Variants in CFAP91 observed in about 807,000 individuals in gnomAD.
The protein encoded by CFAP91 is cilia- and flagella-associated protein 91.
A neutral mutation model predicts 95.9 loss-of-function variants in CFAP91; 85 were observed. The observed-to-expected ratio is 0.89, with a 90% CI of 0.74 to 1.06. The LOEUF is 1.06. Among genes scored for constraint, CFAP91 ranks in the 50% least tolerant of loss-of-function variants. The probability of loss-of-function intolerance (pLI) is 0.00; values close to 1 mark genes in which losing one functional copy is unlikely to be tolerated. For synonymous variants in CFAP91, 335 were observed against 327.5 expected (o/e 1.02, Z -0.25); for missense variants, 962 against 943.4 (o/e 1.02, Z -0.26).
intron 8 of CFAP91, among the ~76,000 whole-genome samples, chr3:119,731,402 T>A (rs948659174): frequency 7.9e-5 from 12 of 152,200 alleles, no homozygotes; most frequent in Non-Finnish European, 1.6e-4. Flanking sequence ...AACTTAAATT[T>A]AAAATTTTTC....
chr3:119,723,869 T>A (rs2053730345), intron 6 of CFAP91, among the ~76,000 whole-genome samples: 2 of 152,150 alleles, frequency 1.3e-5, no homozygotes, highest in South Asian at 4.1e-4. Flanking sequence ...ATAATAAAAG[T>A]GCTTAAATAG....
intron 16 of CFAP91, among the ~76,000 whole-genome samples, chr3:119,749,599 C>T (rs925026895): frequency 6.6e-6 from 1 of 152,102 alleles, no homozygotes; most frequent in Non-Finnish European, 1.5e-5. Flanking sequence ...TGGAGGAAGA[C>T]TTGAGCTAAC....
Position 119,740,641 on chromosome 3 carries a change from C to T in CFAP91, c.1626C>T (p.Ala542=), listed in dbSNP as rs141278377. The T allele has an allele frequency of 2.2e-5, 35 of 1,614,150 alleles. No individual in the cohort carries two copies. Among genetic ancestry groups the T allele is most frequent in the African/African-American group, 1.3e-4 (10 of 75,052 alleles). The change falls in exon 13 of 18, where the codon GCC becomes GCT. Residue 542 remains alanine (A), a synonymous_variant. Coordinates refer to ENST00000273390, the MANE Select transcript of CFAP91 (RefSeq NM_033364.4). ...LQEDEKLVKK[A]EKQVTLALQR... ...AAGATGAAAAGCTGGTGAAAAAAGC[C>T]GAGAAGCAAGTGACCCTGGCCTTAC...
chr3:119,723,732 T>G (rs1010435597), intron 6 of CFAP91, among the ~76,000 whole-genome samples: 2 of 152,332 alleles, frequency 1.3e-5, no homozygotes, highest in East Asian at 1.9e-4. Flanking sequence ...AAATACGAGG[T>G]TCAGACTGCC....
rs556802557 is a variant in CFAP91 at position 119,744,114 on chromosome 3, G to A, written c.1820G>A (p.Arg607Gln). ...HAFVMLAERQ[R>Q]RVREAEESGR... ...TTTGTCATGCTGGCTGAGCGCCAGC[G>A]GCGGGTACGAGAGGCTGAAGAGAGT... The change falls in exon 14 of 18, where the codon CGG becomes CAG. Residue 607 changes from arginine to glutamine, a missense_variant. Transcript: ENST00000273390. The A allele has an allele frequency of 4.3e-6, 7 of 1,614,022 alleles. No individual in the cohort carries two copies. The Admixed American group carries it at 6.7e-5, about 15-fold the overall frequency.
At chr3:119,723,571 G>A (rs1490785308) in intron 6 of CFAP91, among the ~76,000 whole-genome samples, 1 of 152,106 alleles carries the variant, frequency 6.6e-6, no homozygotes, top group Admixed American at 6.6e-5. Context: ...ACAAAGATGA[G>A]TAAAAAAAGC....
At chr3:119,722,660 A>C (rs1223808925) in intron 6 of CFAP91, among the ~76,000 whole-genome samples, 1 of 151,894 alleles carries the variant, frequency 6.6e-6, no homozygotes, top group Non-Finnish European at 1.5e-5. Flanking sequence ...TGCTAATTAA[A>C]AAAATATATT....
chr3:119,725,765 G>GA lies in CFAP91; in HGVS notation c.683-395dup, dbSNP rs10710048. 1.1e-3 allele frequency among the ~76,000 whole-genome samples: 161 copies of GA among 140,200 alleles called. 3 individuals carry two copies. Among genetic ancestry groups the GA allele is most frequent in the African/African-American group, 2.3e-3 (91 of 38,850 alleles). 92.0% of individuals were successfully genotyped at this position (140,200 alleles called of 152,430 possible). On this transcript the variant is annotated intron_variant, in intron 6 of 17. Transcript: ENST00000273390. Reference sequence around the variant, plus strand: ...GAGTGAGACCTTGATTCACAAAAAAGAAAAAAAAAAAGTATATATTTTTCA... The same window carrying GA: ...GAGTGAGACCTTGATTCACAAAAAAGAAAAAAAAAAAAGTATATATTTTTCA...
chr3:119,706,532 A>G, intron 1 of CFAP91: 1 of 384,620 alleles, frequency 2.6e-6, no homozygotes, highest in Non-Finnish European at 4.8e-6. Context: ...TTCAGGGTGT[A>G]GTACTTGAAA....
In CFAP91 at chr3:119,732,463, C is replaced by T. The variant is rs770759408; in HGVS notation, c.1188C>T (p.Leu396=). The change falls in exon 9 of 18, where the codon CTC becomes CTT. Residue 396 remains leucine, a synonymous_variant. Coordinates refer to ENST00000273390, the MANE Select transcript of CFAP91 (RefSeq NM_033364.4). The part of the protein sequence containing the change: ...SEDFVVKNYY[L]NTYEGLVELE... ...ACTTTGTAGTAAAAAACTACTATCT[C>T]AACACCTATGAAGGTAAGCAATTTA... 5.0e-6 allele frequency: 8 copies of T among 1,600,518 alleles called. No homozygotes were observed. Among genetic ancestry groups the T allele is most frequent in the Middle Eastern group, 1.7e-4 (1 of 6,054 alleles).
At chr3:119,704,201 G>A (rs1342306188) in intron 1 of CFAP91, among the ~76,000 whole-genome samples, 1 of 152,138 alleles carries the variant, frequency 6.6e-6, no homozygotes, top group Non-Finnish European at 1.5e-5. Flanking sequence ...GGTAATTTGA[G>A]AAGGAGGACA....
intron 5 of CFAP91, chr3:119,710,168 G>T: frequency 3.2e-6 from 1 of 315,022 alleles, no homozygotes; most frequent in Non-Finnish European, 5.8e-6. Flanking sequence ...ATATGTATAT[G>T]ATGGATTATG....
At chr3:119,713,418 CTTT>C (rs34012023) in intron 5 of CFAP91, among the ~76,000 whole-genome samples, 3 of 143,680 alleles carry the variant, frequency 2.1e-5, no homozygotes, top group African/African-American at 2.5e-5. Flanking sequence ...GTACCTCGCC[CTTT>C]TTTTTTTTTT....
At chr3:119,751,644 G>A (rs1317197923) in intron 17 of CFAP91, among the ~76,000 whole-genome samples, 1 of 152,168 alleles carries the variant, frequency 6.6e-6, no homozygotes, top group Non-Finnish European at 1.5e-5. Flanking sequence ...TTCCAGCAAG[G>A]CAACATCAGA....
intron 15 of CFAP91, 58 bp from the exon 16 acceptor site, chr3:119,747,753 A>G (rs1455869501): frequency 6.9e-7 from 1 of 1,439,430 alleles, no homozygotes; most frequent in African/African-American, 1.4e-5. Flanking sequence ...GAAAGCATAA[A>G]TCAGCAGCTC....
At chr3:119,720,373 G>A (rs1252963394) in intron 6 of CFAP91, among the ~76,000 whole-genome samples, 1 of 149,882 alleles carries the variant, frequency 6.7e-6, no homozygotes, top group Non-Finnish European at 1.5e-5. Context: ...CTCCAGCCTG[G>A]GCGACAGAGC....
intron 11 of CFAP91, among the ~76,000 whole-genome samples, 187 bp from the exon 12 acceptor site, chr3:119,739,068 G>C (rs1016204145): frequency 6.7e-6 from 1 of 149,964 alleles, no homozygotes; most frequent in African/African-American, 2.4e-5. Context: ...GAAAAATAAT[G>C]AATTCTAATG....
chr3:119,737,206 A>G (rs2054026606), intron 10 of CFAP91, among the ~76,000 whole-genome samples, 160 bp from the exon 11 acceptor site: 1 of 152,168 alleles, frequency 6.6e-6, no homozygotes, highest in Admixed American at 6.5e-5. Flanking sequence ...TAATGAAGGA[A>G]AATATAGGGT....
Position 119,708,447 on chromosome 3 carries a change from G to A in CFAP91, c.360-144G>A, listed in dbSNP as rs1164590792. ...AATCATATATACTCTAAGTTGTATG[G>A]CAGTCAAATGCAGGTTATGGAAGAC... On this transcript the variant is annotated intron_variant, in intron 3 of 17. Transcript: ENST00000273390. 1.3e-5 allele frequency: 8 copies of A among 594,574 alleles called. No individual in the cohort carries two copies. The African/African-American group carries it at 1.5e-4, about 11-fold the overall frequency. The allele number at this position is 594,574 out of a possible 1,614,324, so 36.8% of individuals were successfully genotyped here. A position where few individuals can be genotyped will look rare whatever the true frequency, so the allele number is the denominator to read the frequency against.
Sources: allele counts gnomAD v4.1 joint callset (sites outside exome capture counted in the v4.1 genomes callset), GRCh38; gene constraint gnomAD v4.1.1; transcripts MANE v1.5; gene names NCBI Gene and HGNC (gene_info 2026-07-23, HGNC 2026-07-21).